Variants in LRIG3 observed in about 807,000 individuals in gnomAD.
LRIG3 encodes the protein leucine rich repeats and immunoglobulin like domains 3, also known as leucine-rich repeats and immunoglobulin-like domains protein 3.
In LRIG3, 76 loss-of-function variants were observed where a neutral mutation model predicts 114.5. The observed-to-expected ratio is 0.66, with a 90% confidence interval of 0.55 to 0.80. The LOEUF is 0.80. LRIG3 is among the 30% of genes least tolerant of loss of function. The pLI is 0.00. For synonymous variants in LRIG3, 512 were observed against 519.8 expected, an observed-to-expected ratio of 0.98 and a Z score of 0.20; for missense variants, 1,239 against 1,382.8, an observed-to-expected ratio of 0.90 and a Z score of 1.65.
chr12:58,881,423 A>AC, intron 12 of LRIG3, among the ~76,000 whole-genome samples: 1 of 149,050 alleles, frequency 6.7e-6, no homozygotes, highest in African/African-American at 2.4e-5. Context: ...GTAGAGGCAA[A>AC]AAAAAAAAAA....
chr12:58,878,902 C>G lies in LRIG3; in HGVS notation c.2005G>C (p.Glu669Gln), dbSNP rs1871021637. ...GTGCAGCTGTATACCCCAATGTCCTCTATCTTCACATCCACGATAAAGAAC... is the reference window on the plus strand; with the variant it reads ...GTGCAGCTGTATACCCCAATGTCCTGTATCTTCACATCCACGATAAAGAAC... ...DVFFIVDVKIEDIGVYSCTAQ... is the reference protein window; with the variant it reads ...DVFFIVDVKIQDIGVYSCTAQ... Residue 669 changes from glutamate to glutamine, a missense_variant, in exon 14 of 19, where the codon GAG (glutamate) becomes CAG (glutamine). By Grantham distance (29) the Glu-to-Gln change is conservative (BLOSUM62 2). Coordinates refer to ENST00000320743, the MANE Select transcript of LRIG3 (RefSeq NM_153377.5). 13 of 1,614,210 alleles carry G rather than the reference C, an allele frequency of 8.1e-6. No individual in the cohort carries two copies. Among genetic ancestry groups the G allele is most frequent in the Non-Finnish European group, 1.1e-5 (13 of 1,180,048 alleles).
chr12:58,919,875 G>T, intron 1 of LRIG3, 125 bp downstream of exon 1: 1 of 1,000,668 alleles, frequency 1.0e-6, no homozygotes, highest in Non-Finnish European at 1.5e-6. Context: ...GCCGATCGCG[G>T]CCTGGGCCAG....
chr12:58,873,263 CTCAATTGAA>C (rs1870797804), intron 18 of LRIG3, among the ~76,000 whole-genome samples: 1 of 152,114 alleles, frequency 6.6e-6, no homozygotes, highest in Non-Finnish European at 1.5e-5. Flanking sequence ...CCAAATATTA[CTCAATTGAA>C]TCAAATTCTT....
chr12:58,872,441 A>G lies in LRIG3; in HGVS notation c.*131T>C, dbSNP rs546262067. The G allele has an allele frequency of 1.9e-6, 2 of 1,034,704 alleles. No homozygotes were observed. The highest frequency in any genetic ancestry group is 2.6e-6 in the Non-Finnish European group (2 of 782,058). 64.1% of individuals were successfully genotyped at this position (1,034,704 alleles called of 1,614,324 possible). Reference sequence around the variant, plus strand: ...TCATAACTTTTTGTAATTTTGGTTCATCTGTATAAATAAAGCATTTTTATC... The same window carrying G: ...TCATAACTTTTTGTAATTTTGGTTCGTCTGTATAAATAAAGCATTTTTATC... On this transcript the variant is annotated 3_prime_UTR_variant, in exon 19 of 19. Transcript: ENST00000320743.
chr12:58,914,438 G>T, intron 1 of LRIG3, 102 bp from the exon 2 acceptor site: 1 of 871,844 alleles, frequency 1.1e-6, no homozygotes, highest in Non-Finnish European at 1.8e-6. Context: ...GAGAGCAGGA[G>T]AAATAATTGG....
At position 58,890,753 on chromosome 12, in the gene LRIG3, C is replaced by T. The variant is rs1416463564; in HGVS notation, c.427G>A (p.Glu143Lys). 8 of 1,606,456 alleles carry T rather than the reference C, an allele frequency of 5.0e-6. No homozygotes were observed. Among genetic ancestry groups the T allele is most frequent in the African/African-American group, 1.3e-5 (1 of 74,478 alleles). The change falls in exon 4 of 19, where the codon GAG becomes AAG. Residue 143 changes from glutamate (E) to lysine (K), a missense_variant. Transcript: ENST00000320743. ...TCCAAAGTTTCAAGGGACTGAAACT[C>T]TTTCAGATGTTCAGGGAGTATTTCA... The part of the protein sequence containing the change: ...IVEILPEHLK[E>K]FQSLETLDLS...
intron 7 of LRIG3, 47 bp downstream of exon 7, chr12:58,888,282 T>G: frequency 2.5e-6 from 4 of 1,591,144 alleles, no homozygotes; most frequent in Non-Finnish European, 3.4e-6. Flanking sequence ...TGCCCTGGCA[T>G]GATCCCTGCT....
At chr12:58,908,857 C>T (rs1177608374) in intron 3 of LRIG3, among the ~76,000 whole-genome samples, 1 of 152,136 alleles carries the variant, frequency 6.6e-6, no homozygotes, top group Non-Finnish European at 1.5e-5. Flanking sequence ...TGCCATATAC[C>T]TGCATTAAGT....
intron 7 of LRIG3, 80 bp from the exon 8 acceptor site, chr12:58,888,012 G>T: frequency 7.8e-7 from 1 of 1,289,038 alleles, no homozygotes; most frequent in Non-Finnish European, 1.1e-6. Context: ...GACAGGTACT[G>T]TATGAGCTAC....
intron 3 of LRIG3, among the ~76,000 whole-genome samples, chr12:58,912,570 G>A (rs1292192321): frequency 6.6e-6 from 1 of 151,818 alleles, no homozygotes; most frequent in African/African-American, 2.4e-5. Context: ...TGCTCTCAAC[G>A]CTATACCATG....
rs201662008 is a variant in LRIG3 at position 58,887,801 on chromosome 12, C to T, written c.1079G>A (p.Ser360Asn). 726 of 1,613,534 alleles carry T rather than the reference C, an allele frequency of 4.5e-4. No homozygotes were observed. The highest frequency in any genetic ancestry group is 5.6e-4 in the Non-Finnish European group (666 of 1,179,646). The change falls in exon 8 of 19, where the codon AGT (serine) becomes AAT (asparagine). Residue 360 changes from serine (S) to asparagine (N), a missense_variant. Ser to Asn is a conservative substitution (Grantham distance 46). Transcript: ENST00000320743. ...IADCAFRGLS[S>N]LKTLDLKNNE... ...ACGTGTAACTTACAAAGTCTTTAAA[C>T]TGGAAAGCCCCCGGAAGGCACAATC...
chr12:58,894,065 C>T (rs749657296), intron 3 of LRIG3, among the ~76,000 whole-genome samples: 9 of 152,094 alleles, frequency 5.9e-5, no homozygotes, highest in Non-Finnish European at 5.9e-5. Flanking sequence ...TTTATATATC[C>T]GTTTGTTTAT....
At chr12:58,919,515 G>T in intron 1 of LRIG3, 1 of 1,551,316 alleles carries the variant, frequency 6.4e-7, no homozygotes, top group South Asian at 1.2e-5. Flanking sequence ...TGTTGAGGGG[G>T]CTTCCCAAAT....
At chr12:58,912,596 CT>C (rs1872326453) in intron 3 of LRIG3, among the ~76,000 whole-genome samples, 1 of 152,240 alleles carries the variant, frequency 6.6e-6, no homozygotes, top group African/African-American at 2.4e-5. Context: ...GAGTAGACTG[CT>C]TTCCCCATGC....
At chr12:58,879,757 A>G (rs1592294424) in intron 13 of LRIG3, among the ~76,000 whole-genome samples, 1 of 152,368 alleles carries the variant, frequency 6.6e-6, no homozygotes, top group Non-Finnish European at 1.5e-5. Context: ...ACTACCTTGT[A>G]GCCATTTTGC....
intron 3 of LRIG3, among the ~76,000 whole-genome samples, chr12:58,906,790 A>T (rs1015585786): frequency 6.6e-6 from 1 of 152,176 alleles, no homozygotes; most frequent in African/African-American, 2.4e-5. Context: ...GGCATTTGGC[A>T]AGTCAAAATT....
chr12:58,907,864 G>C lies in LRIG3; in HGVS notation c.383+6118C>G, dbSNP rs181057553. Among the ~76,000 whole-genome samples, 14 of 152,258 alleles carry C rather than the reference G, an allele frequency of 9.2e-5. No individual in the cohort carries two copies. In the East Asian group the frequency reaches 1.7e-3, roughly 19 times the overall value. On this transcript the variant is annotated intron_variant, in intron 3 of 18. Transcript: ENST00000320743. Reference sequence around the variant, plus strand: ...TTCTGTGTGTCTGAGACTGTAGTGGGCTGAGGGGATTGAGAGCTCGCTAAG... The same window carrying C: ...TTCTGTGTGTCTGAGACTGTAGTGGCCTGAGGGGATTGAGAGCTCGCTAAG...
intron 8 of LRIG3, among the ~76,000 whole-genome samples, chr12:58,887,210 G>A (rs12146851): frequency 0.07 from 10,589 of 152,156 alleles, 426 homozygotes; most frequent in East Asian, 0.15. Flanking sequence ...TTCCAACCAC[G>A]CATGCAGAAG....
At chr12:58,888,235 G>A in intron 7 of LRIG3, 94 bp downstream of exon 7, 1 of 1,433,266 alleles carries the variant, frequency 7.0e-7, no homozygotes, top group Non-Finnish European at 9.4e-7. Flanking sequence ...TGGAAACTTT[G>A]TTATGAAAAT....
Sources: allele counts gnomAD v4.1 joint callset (sites outside exome capture counted in the v4.1 genomes callset), GRCh38; gene constraint gnomAD v4.1.1; transcripts MANE v1.5; gene names NCBI Gene and HGNC (gene_info 2026-07-23, HGNC 2026-07-21).